The following GPHN variants were observed in gnomAD, a reference collection of about 807,000 sequenced individuals.
GPHN encodes the protein gephyrin.
A neutral mutation model predicts 95.5 loss-of-function variants in GPHN; 17 were observed. The observed-to-expected ratio is 0.18, with a 90% CI of 0.12 to 0.27. The LOEUF is 0.27. GPHN is among the 10% of genes least tolerant of loss of function. GPHN has a pLI of 1.00. For missense variants in GPHN, 660 were observed against 978.1 expected, an observed-to-expected ratio of 0.67 and a Z score of 4.34; for synonymous variants, 320 against 322.5, an observed-to-expected ratio of 0.99 and a Z score of 0.08.
chr14:67,168,108 AG>A (rs2082389226), intron 20 of GPHN, among the ~76,000 whole-genome samples: 2 of 152,240 alleles, frequency 1.3e-5, no homozygotes, highest in Admixed American at 6.5e-5. Context: ...ATTTTCTTAC[AG>A]TTCTGGAAGC....
the GPHN span, among the ~76,000 whole-genome samples, chr14:67,381,002 T>A: frequency 2.6e-3 from 399 of 152,274 alleles, 5 homozygotes; most frequent in African/African-American, 7.9e-3. Context: ...GCCCTTTTTT[T>A]AAAAAGAGGG....
At chr14:67,687,953 G>C in the GPHN span, among the ~76,000 whole-genome samples, 7 of 151,754 alleles carry the variant, frequency 4.6e-5, no homozygotes, top group South Asian at 1.0e-3. Flanking sequence ...TGTATTTTTA[G>C]TAGAGACAGG....
the GPHN span, among the ~76,000 whole-genome samples, chr14:67,511,532 G>GCT: frequency 2.6e-5 from 4 of 152,096 alleles, no homozygotes; most frequent in Non-Finnish European, 5.9e-5. Context: ...ACTCCCTACT[G>GCT]GGAAGCCAGC....
At chr14:66,740,125 A>G (rs1217149260) in intron 2 of GPHN, among the ~76,000 whole-genome samples, 1 of 152,166 alleles carries the variant, frequency 6.6e-6, no homozygotes, top group Admixed American at 6.5e-5. Flanking sequence ...ACACTGTTTC[A>G]TGCACACTGG....
chr14:67,558,015 G>T, the GPHN span, among the ~76,000 whole-genome samples: 2 of 152,328 alleles, frequency 1.3e-5, no homozygotes, highest in East Asian at 3.9e-4. Context: ...GAAAACCAGG[G>T]TCTTCCCTTC....
intron 5 of GPHN, 124 bp from the exon 6 acceptor site, chr14:66,915,879 T>G: frequency 1.4e-6 from 1 of 724,940 alleles, no homozygotes; most frequent in South Asian, 1.5e-5. Flanking sequence ...TGTCTTAAGA[T>G]AACACTTTTA....
intron 1 of GPHN, among the ~76,000 whole-genome samples, chr14:66,638,602 T>C (rs972042241): frequency 2.0e-5 from 3 of 152,184 alleles, no homozygotes; most frequent in African/African-American, 7.2e-5. Flanking sequence ...TTGCATGATC[T>C]TTCATGAATA....
the GPHN span, among the ~76,000 whole-genome samples, chr14:67,251,679 A>C: frequency 1.3e-5 from 2 of 152,236 alleles, no homozygotes; most frequent in African/African-American, 4.8e-5. Flanking sequence ...TAAGAAATAT[A>C]TATTTGGTCT....
At chr14:66,983,845 C>G (rs1203627202) in intron 9 of GPHN, among the ~76,000 whole-genome samples, 2 of 152,124 alleles carry the variant, frequency 1.3e-5, no homozygotes, top group Non-Finnish European at 2.9e-5. Context: ...GAGAGACAGA[C>G]AGACATAGTA....
chr14:67,134,611 A>G (rs1378737251), intron 17 of GPHN, among the ~76,000 whole-genome samples: 1 of 152,222 alleles, frequency 6.6e-6, no homozygotes, highest in African/African-American at 2.4e-5. Flanking sequence ...TGGTGGGACA[A>G]TCAGGAAGTC....
At chr14:67,606,584 AT>A in the GPHN span, among the ~76,000 whole-genome samples, 5 of 152,110 alleles carry the variant, frequency 3.3e-5, no homozygotes, top group African/African-American at 7.2e-5. Context: ...TTATGTAACT[AT>A]TTTTTTATGA....
At chr14:66,920,106 C>G (rs2153560094) in intron 6 of GPHN, among the ~76,000 whole-genome samples, 1 of 152,072 alleles carries the variant, frequency 6.6e-6, no homozygotes, top group South Asian at 2.1e-4. Flanking sequence ...TAGATTTGAC[C>G]CATCCAAGAT....
intron 3 of GPHN, among the ~76,000 whole-genome samples, chr14:66,816,442 TAAC>T (rs2153486795): frequency 6.6e-6 from 1 of 152,232 alleles, no homozygotes; most frequent in East Asian, 1.9e-4. Flanking sequence ...ACTGAAATCA[TAAC>T]AAACAATCTC....
At chr14:67,707,250 G>A in the GPHN span, among the ~76,000 whole-genome samples, 3 of 152,146 alleles carry the variant, frequency 2.0e-5, no homozygotes, top group Non-Finnish European at 2.9e-5. Context: ...AGTCCAAACT[G>A]TAGAAAACAA....
intron 5 of GPHN, among the ~76,000 whole-genome samples, chr14:66,908,947 C>T (rs2065530301): frequency 6.6e-6 from 1 of 151,616 alleles, no homozygotes; most frequent in Non-Finnish European, 1.5e-5. Context: ...CATAAGGAGA[C>T]ATGACAGCTA....
At chr14:66,604,187 G>T (rs2062397467) in intron 1 of GPHN, among the ~76,000 whole-genome samples, 1 of 151,992 alleles carries the variant, frequency 6.6e-6, no homozygotes, top group African/African-American at 2.4e-5. Context: ...CAAAGTATAG[G>T]CAGTAATATA....
At chr14:67,347,972 T>A in the GPHN span, among the ~76,000 whole-genome samples, 1 of 151,726 alleles carries the variant, frequency 6.6e-6, no homozygotes, top group African/African-American at 2.4e-5. Flanking sequence ...AGTGCAGTGG[T>A]GTGGTCTTCA....
the GPHN span, chr14:67,203,383 G>T: frequency 9.3e-7 from 1 of 1,072,206 alleles, no homozygotes; most frequent in East Asian, 2.6e-5. Flanking sequence ...TGACAATTGC[G>T]CCAGTGGAGC....
At position 66,650,562 on chromosome 14, in the gene GPHN, A is replaced by G. The variant is rs143185642; in HGVS notation, c.65-30545A>G. Among the ~76,000 whole-genome samples, 12 of 152,328 alleles carry G rather than the reference A, an allele frequency of 7.9e-5. No individual in the cohort carries two copies. The South Asian group carries it at 1.0e-3, about 13-fold the overall frequency. On this transcript the variant is annotated intron_variant, in intron 1 of 22. Transcript: ENST00000478722. ...ACGAATCAATGAAATAGCAGAGTACATGGAGGCACAACTGTTAGAGAGGAT... is the reference window on the plus strand; with the variant it reads ...ACGAATCAATGAAATAGCAGAGTACGTGGAGGCACAACTGTTAGAGAGGAT...
Sources: gnomAD v4.1 joint callset for allele counts (sites outside exome capture counted in the v4.1 genomes callset) on GRCh38, gnomAD v4.1.1 for gene constraint, MANE v1.5 for transcripts, NCBI Gene and HGNC (gene_info 2026-07-23, HGNC 2026-07-21) for gene names.